BCAR3: variants seen among roughly 807,000 people sequenced by gnomAD.
BCAR3 encodes the protein BCAR3 adaptor protein, NSP family member, also known as breast cancer anti-estrogen resistance protein 3.
In BCAR3, 37 loss-of-function variants were observed where a neutral mutation model predicts 80.1. That is an observed-to-expected ratio of 0.46 (90% CI 0.36 to 0.61). The LOEUF (loss-of-function observed/expected upper bound fraction) is 0.61. BCAR3 is among the 20% of genes least tolerant of loss of function. The pLI, the probability that BCAR3 is intolerant of heterozygous loss-of-function variation, is 0.00. For synonymous variants in BCAR3, 389 were observed against 418.9 expected, an observed-to-expected ratio of 0.93 and a Z score of 0.87; for missense variants, 978 against 1,068.2, an observed-to-expected ratio of 0.92 and a Z score of 1.18.
intron 2 of BCAR3, among the ~76,000 whole-genome samples, chr1:93,807,722 CT>C (rs1241610079): frequency 6.6e-6 from 1 of 152,104 alleles, no homozygotes; most frequent in Non-Finnish European, 1.5e-5. Context: ...AACTGCACTT[CT>C]TTTGGAAAGA....
intron 2 of BCAR3, among the ~76,000 whole-genome samples, chr1:93,725,642 T>C (rs891618683): frequency 6.6e-6 from 1 of 152,256 alleles, no homozygotes; most frequent in African/African-American, 2.4e-5. Context: ...TAATCTTTTA[T>C]GATTAATGCT....
chr1:93,591,024 CAGGAGAATTATG>C (rs1674153358), intron 4 of BCAR3, among the ~76,000 whole-genome samples: 4 of 151,980 alleles, frequency 2.6e-5, no homozygotes, highest in South Asian at 4.2e-4. Flanking sequence ...TGGTTATCCC[CAGGAGAATTATG>C]AGGAGAATTA....
At chr1:93,621,859 T>C (rs570511815) in intron 3 of BCAR3, among the ~76,000 whole-genome samples, 2 of 151,740 alleles carry the variant, frequency 1.3e-5, no homozygotes, top group African/African-American at 2.4e-5. Context: ...AGAAGCCACA[T>C]TGGTTTTGTT....
Position 93,592,442 on chromosome 1 carries a change from GC to G in BCAR3, c.358-50del. 6.5e-7 allele frequency: 1 copy of G among 1,532,534 alleles called. No individual in the cohort carries two copies. Among genetic ancestry groups the G allele is most frequent in the East Asian group, 2.3e-5 (1 of 43,430 alleles). The allele number at this position is 1,532,534 out of a possible 1,614,324, so 94.9% of individuals were successfully genotyped here. The stretch of plus-strand genomic sequence containing the variant: ...GCTCACCCTGCCCAGGCCACACCAG[GC>G]CATGCCAGCTGGAGGTGACCGCCTG... On this transcript the variant is annotated intron_variant, in intron 3 of 11. Transcript: ENST00000260502. The surrounding 1 kb of genome is among the most constrained non-coding windows in gnomAD (Gnocchi z 4.8).
intron 2 of BCAR3, among the ~76,000 whole-genome samples, chr1:93,801,399 A>G (rs1471285997): frequency 2.0e-5 from 3 of 152,216 alleles, no homozygotes; most frequent in Non-Finnish European, 4.4e-5. Context: ...ACCTTGGCCA[A>G]TTGCTCATCC....
At chr1:93,634,720 C>CAAA (rs71588503) in intron 3 of BCAR3, among the ~76,000 whole-genome samples, 62 of 129,558 alleles carry the variant, frequency 4.8e-4, no homozygotes, top group African/African-American at 6.8e-4. Context: ...ACAACAACAA[C>CAAA]AAAAAAAAAA....
chr1:93,651,362 T>C (rs1231616312), intron 2 of BCAR3, among the ~76,000 whole-genome samples: 2 of 152,176 alleles, frequency 1.3e-5, no homozygotes, highest in African/African-American at 2.4e-5. Flanking sequence ...TGAAGGTCCA[T>C]GGTCATCTGG....
intron 9 of BCAR3, 61 bp from the exon 10 acceptor site, chr1:93,567,912 C>A: frequency 7.1e-7 from 1 of 1,416,700 alleles, no homozygotes; most frequent in South Asian, 1.2e-5. Context: ...AGTGGCTGGG[C>A]GTGGTAGCTC....
chr1:93,636,160 A>T (rs1675774075), intron 3 of BCAR3, among the ~76,000 whole-genome samples: 1 of 152,174 alleles, frequency 6.6e-6, no homozygotes, highest in Non-Finnish European at 1.5e-5. Context: ...TTGGGGAAGG[A>T]GAATTTTCAG....
At chr1:93,751,831 G>A (rs1651566921) in intron 2 of BCAR3, among the ~76,000 whole-genome samples, 1 of 152,224 alleles carries the variant, frequency 6.6e-6, no homozygotes, top group Admixed American at 6.5e-5. Context: ...TGTGGCTGGG[G>A]CTGCTGCCCT....
intron 3 of BCAR3, among the ~76,000 whole-genome samples, chr1:93,693,398 C>T (rs1192135700): frequency 6.6e-6 from 1 of 152,162 alleles, no homozygotes; most frequent in African/African-American, 2.4e-5. Context: ...CATGTGACCT[C>T]GTCTGTCTCA....
chr1:93,713,231 A>G (rs1374101129), intron 2 of BCAR3, among the ~76,000 whole-genome samples: 2 of 152,304 alleles, frequency 1.3e-5, no homozygotes, highest in Non-Finnish European at 2.9e-5. Context: ...GTCTTATCTT[A>G]GTGCAGTTTG....
intron 2 of BCAR3, among the ~76,000 whole-genome samples, chr1:93,829,917 T>G (rs948610360): frequency 6.6e-6 from 1 of 152,156 alleles, no homozygotes; most frequent in Non-Finnish European, 1.5e-5. Flanking sequence ...CATGAATGGT[T>G]TATCACCATC....
At chr1:93,575,559 C>G (rs543396449) in intron 8 of BCAR3, among the ~76,000 whole-genome samples, 2 of 152,312 alleles carry the variant, frequency 1.3e-5, no homozygotes, top group African/African-American at 4.8e-5. Context: ...AAAACACTGT[C>G]TAGACTCTGC....
chr1:93,734,047 C>T (rs542190205), intron 2 of BCAR3, among the ~76,000 whole-genome samples: 43 of 152,316 alleles, frequency 2.8e-4, no homozygotes, highest in African/African-American at 1.0e-3. Flanking sequence ...TGTAGGCTGG[C>T]TGTCTCTCTC....
intron 2 of BCAR3, among the ~76,000 whole-genome samples, chr1:93,832,791 C>T (rs1378135650): frequency 6.6e-6 from 1 of 152,094 alleles, no homozygotes; most frequent in Non-Finnish European, 1.5e-5. Context: ...TTTAGTTATC[C>T]CCACCTGCCC....
rs765910758 is a variant in BCAR3, at chr1:93,674,790, T to TATGTCTATACAC, written c.140_141insGTGTATAGACAT (p.Ser46_Ile47insMetCysIleAsp). 8 of 1,611,518 alleles carry TATGTCTATACAC rather than the reference T, an allele frequency of 5.0e-6. No homozygotes were observed. Among genetic ancestry groups the TATGTCTATACAC allele is most frequent in the Non-Finnish European group, 8.5e-7 (1 of 1,179,334 alleles). On this transcript the variant is annotated inframe_insertion, in exon 2 of 12. Coordinates refer to ENST00000260502, the MANE Select transcript of BCAR3 (RefSeq NM_003567.4). ...TTTTCTTCCGTGGAAGGGTGCCATG[T>TATGTCTATACAC]ATAGACACATCTTGATAGGCATCTG...
chr1:93,844,256 A>G (rs10874798), intron 2 of BCAR3, among the ~76,000 whole-genome samples: 148,363 of 152,278 alleles, frequency 0.97, 72,303 homozygotes, highest in East Asian at 1. Flanking sequence ...GCAGTGAGCC[A>G]AGATCATGCC....
chr1:93,796,891 T>C (rs1209701681), intron 2 of BCAR3, among the ~76,000 whole-genome samples: 1 of 152,188 alleles, frequency 6.6e-6, no homozygotes, highest in African/African-American at 2.4e-5. Context: ...TTCCATCAAC[T>C]GCCTGTTGGG....
Sources: gnomAD v4.1 joint callset for allele counts (sites outside exome capture counted in the v4.1 genomes callset) on GRCh38, gnomAD v4.1.1 for gene constraint, Gnocchi (gnomAD v3.1) non-coding constraint, MANE v1.5 for transcripts, NCBI Gene and HGNC (gene_info 2026-07-23, HGNC 2026-07-21) for gene names.